Variants in CASK observed in about 807,000 individuals in gnomAD.
CASK encodes the protein calcium/calmodulin dependent serine protein kinase, also known as peripheral plasma membrane protein CASK.
A neutral mutation model predicts 82.9 loss-of-function variants in CASK; 4 were observed. The observed-to-expected ratio is 0.05, with a 90% confidence interval of 0.02 to 0.11. The LOEUF (loss-of-function observed/expected upper bound fraction) is 0.11. Among genes scored for constraint, CASK ranks in the 10% least tolerant of loss-of-function variants. The pLI is 1.00. For missense variants in CASK, 358 were observed against 720.9 expected (o/e 0.50, Z 5.76); for synonymous variants, 259 against 253.5 (o/e 1.02, Z -0.20).
At chrX:41,570,318 G>A (rs2065395278) in intron 15 of CASK, among the ~76,000 whole-genome samples, 1 of 111,286 alleles carries the variant, frequency 9.0e-6, no homozygotes, top group African/African-American at 3.3e-5. Context: ...ATGCCTGGCC[G>A]ATAGTGCTTT....
At chrX:41,524,800 T>C (rs1464151071) in intron 25 of CASK, 1 of 111,227 alleles carries the variant, frequency 9.0e-6, no homozygotes, top group Non-Finnish European at 1.9e-5. Flanking sequence ...AAGGGATTAC[T>C]GTTTCAGCTC....
chrX:41,565,262 C>CA (rs1045391368), intron 16 of CASK, among the ~76,000 whole-genome samples: 1 of 111,150 alleles, frequency 9.0e-6, no homozygotes, highest in Non-Finnish European at 1.9e-5. Flanking sequence ...GATAGAGACA[C>CA]AAAAAACCCT....
At chrX:41,791,115 C>T (rs773099162) in intron 2 of CASK, among the ~76,000 whole-genome samples, 2 of 110,463 alleles carry the variant, frequency 1.8e-5, no homozygotes, top group Admixed American at 1.9e-4. Flanking sequence ...TACCTCTCTT[C>T]ACTCTCCTTT....
chrX:41,593,951 C>T (rs1602317117), intron 12 of CASK, among the ~76,000 whole-genome samples: 1 of 112,004 alleles, frequency 8.9e-6, no homozygotes, highest in Admixed American at 9.4e-5. Context: ...AGAGTTTTGT[C>T]AAGGTCTGGG....
chrX:41,782,289 A>C (rs1224336261), intron 3 of CASK, among the ~76,000 whole-genome samples: 4 of 111,807 alleles, frequency 3.6e-5, no homozygotes, highest in African/African-American at 9.7e-5. Flanking sequence ...GAAATTTTCC[A>C]CAATTACACT....
chrX:41,863,687 G>A (rs2071536021), intron 1 of CASK, among the ~76,000 whole-genome samples: 1 of 112,123 alleles, frequency 8.9e-6, no homozygotes, highest in African/African-American at 3.2e-5. Context: ...AAAATATTTA[G>A]TAGAGAAACA....
At chrX:41,877,215 G>A (rs2071842566) in intron 1 of CASK, among the ~76,000 whole-genome samples, 1 of 111,588 alleles carries the variant, frequency 9.0e-6, no homozygotes, top group African/African-American at 3.3e-5. Flanking sequence ...CAACTTCCCT[G>A]ATTGGAGATT....
In CASK at chrX:41,912,835, TTATAA is replaced by T. The variant is rs1274749082; in HGVS notation, c.59+10090_59+10094del. On this transcript the variant is annotated intron_variant, in intron 1 of 26. Transcript: ENST00000378163. ...AATATATATAAAAATATATATAATG[TTATAA>T]TATACATAATTTATGAAAGTTATAC... Among the ~76,000 whole-genome samples the T allele has an allele frequency of 4.8e-5, 5 of 104,501 alleles. No individual in the cohort carries two copies. In the East Asian group the frequency reaches 1.2e-3, roughly 24 times the overall value. The allele number at this position is 104,501 out of a possible 115,157, so 90.7% of individuals were successfully genotyped here. A position where few individuals can be genotyped will look rare whatever the true frequency, so the allele number is the denominator to read the frequency against.
intron 5 of CASK, among the ~76,000 whole-genome samples, chrX:41,722,779 A>C (rs762088579): frequency 3.6e-5 from 4 of 112,672 alleles, no homozygotes; most frequent in African/African-American, 1.3e-4. Context: ...ATGGAGGAAA[A>C]CAAGAGCGTT....
chrX:41,623,922 C>T (rs1351563370), intron 10 of CASK, among the ~76,000 whole-genome samples: 2 of 111,509 alleles, frequency 1.8e-5, no homozygotes, highest in Non-Finnish European at 3.8e-5. Context: ...GTTGCCCAGG[C>T]TGGTCACAAA....
At chrX:41,802,190 G>C (rs2070013760) in intron 2 of CASK, among the ~76,000 whole-genome samples, 1 of 111,350 alleles carries the variant, frequency 9.0e-6, no homozygotes, top group South Asian at 3.7e-4. Flanking sequence ...ATACTACTTT[G>C]AGATAGATAA....
At chrX:41,698,423 G>A (rs932090387) in intron 5 of CASK, among the ~76,000 whole-genome samples, 1 of 111,813 alleles carries the variant, frequency 8.9e-6, no homozygotes, top group African/African-American at 3.3e-5. Flanking sequence ...AGTCTTGTTC[G>A]TCATTGCCTC....
At chrX:41,779,686 A>G (rs1323243352) in intron 3 of CASK, among the ~76,000 whole-genome samples, 1 of 111,785 alleles carries the variant, frequency 8.9e-6, no homozygotes, top group African/African-American at 3.2e-5. Flanking sequence ...CAAATCTTCA[A>G]ATAGATTAAA....
chrX:41,663,847 GTATTAT>G (rs1344456991), intron 7 of CASK, among the ~76,000 whole-genome samples: 2 of 111,778 alleles, frequency 1.8e-5, no homozygotes, highest in Non-Finnish European at 3.8e-5. Flanking sequence ...ATTATTGCTA[GTATTAT>G]TATTATGCTG....
intron 6 of CASK, among the ~76,000 whole-genome samples, chrX:41,669,023 C>G (rs1433976428): frequency 9.0e-6 from 1 of 111,554 alleles, no homozygotes; most frequent in Non-Finnish European, 1.9e-5. Context: ...CCGTGCCCAA[C>G]CTTAATTACC....
At chrX:41,861,959 AT>A (rs1446045499) in intron 1 of CASK, among the ~76,000 whole-genome samples, 2 of 104,071 alleles carry the variant, frequency 1.9e-5, no homozygotes, top group Non-Finnish European at 3.9e-5. Context: ...ATGTATACAT[AT>A]GTATATATAC....
chrX:41,794,948 C>A (rs767833426), intron 2 of CASK, among the ~76,000 whole-genome samples: 2 of 112,294 alleles, frequency 1.8e-5, no homozygotes, highest in African/African-American at 6.5e-5. Flanking sequence ...ATTTCTCCCC[C>A]AAATCTTCTT....
At chrX:41,556,439 A>T (rs1175129512) in intron 19 of CASK, among the ~76,000 whole-genome samples, 1 of 112,274 alleles carries the variant, frequency 8.9e-6, no homozygotes, top group Admixed American at 9.5e-5. Context: ...AATATAAAGT[A>T]CTTTGTGTTA....
At position 41,586,952 on chromosome X, in the gene CASK, G is replaced by A. The variant is rs17315800; in HGVS notation, c.1269C>T (p.Asn423=). 1.7e-6 allele frequency: 2 copies of A among 1,178,124 alleles called. No homozygotes were observed. Among genetic ancestry groups the A allele is most frequent in the East Asian group, 3.0e-5 (1 of 33,614 alleles). The change falls in exon 14 of 27, where the codon AAC becomes AAT. Residue 423 remains asparagine, a synonymous_variant. Transcript: ENST00000378163. ...AAATACGCTTTAGTTCCTTTGCGTC[G>A]TTATTCTCAGGGTAACATGAAATTT... ...LEEISCYPEN[N]DAKELKRILT...
Sources: allele counts gnomAD v4.1 joint callset (sites outside exome capture counted in the v4.1 genomes callset), GRCh38; gene constraint gnomAD v4.1.1; transcripts MANE v1.5; gene names NCBI Gene and HGNC (gene_info 2026-07-23, HGNC 2026-07-21).